Variants in KCNT1 observed in about 807,000 individuals in gnomAD.
KCNT1 encodes the protein potassium sodium-activated channel subfamily T member 1, also known as potassium channel subfamily T member 1.
A neutral mutation model predicts 147.8 loss-of-function variants in KCNT1; 78 were observed. The ratio of observed to expected loss-of-function variants is 0.53; its 90% CI spans 0.44 to 0.64. KCNT1 has a LOEUF of 0.64. KCNT1 is among the 30% of genes least tolerant of loss of function. The probability of loss-of-function intolerance (pLI) is 0.00; values close to 1 mark genes in which losing one functional copy is unlikely to be tolerated. For synonymous variants in KCNT1, 867 were observed against 748.8 expected, an observed-to-expected ratio of 1.16 and a Z score of -2.58; for missense variants, 1,419 against 1,750.3, an observed-to-expected ratio of 0.81 and a Z score of 3.38.
In KCNT1 at chr9:135,771,065, C is replaced by T. The variant is rs764892946; in HGVS notation, c.1978C>T (p.Leu660=). 2 of 1,611,830 alleles carry T rather than the reference C, an allele frequency of 1.2e-6. No individual in the cohort carries two copies. Among genetic ancestry groups the T allele is most frequent in the Non-Finnish European group, 1.7e-6 (2 of 1,179,280 alleles). Residue 660 remains leucine (L), a synonymous_variant, in exon 18 of 31, where the codon CTG becomes TTG. Transcript: ENST00000371757. ...GQGLHEGPAR[L]PVHSIIASMG... is the part of the protein sequence containing the mutation. ...GGGGCTGCACGAGGGTCCGGCCCGC[C>T]TGCCCGTGCACAGCATCATCGCCTC...
At chr9:135,769,853 A>T in intron 15 of KCNT1, 94 bp from the exon 16 acceptor site, 1 of 874,254 alleles carries the variant, frequency 1.1e-6, no homozygotes. Flanking sequence ...GCAAGGGTGC[A>T]TCTGCATAGC....
In KCNT1 at chr9:135,779,372, C is replaced by T; in HGVS notation, c.2743C>T (p.Leu915Phe). The T allele has an allele frequency of 6.2e-7, 1 of 1,613,522 alleles. No homozygotes were observed. Among genetic ancestry groups the T allele is most frequent in the Non-Finnish European group, 8.5e-7 (1 of 1,179,702 alleles). ...VQTMFRLFPS[L>F]SITTELTHPS... ...TGCCTCCCCCAGGCTCTTCCCCAGCCTCAGCATCACCACGGAGCTCACCCA... is the reference window on the plus strand; with the variant it reads ...TGCCTCCCCCAGGCTCTTCCCCAGCTTCAGCATCACCACGGAGCTCACCCA... The change falls in exon 24 of 31, where the codon CTC becomes TTC. Residue 915 changes from leucine (L) to phenylalanine (F), a missense_variant. Leu to Phe is a conservative substitution (Grantham distance 22). This residue lies in a region of KCNT1 where 247 missense variants were observed against 397.1 expected (regional missense o/e 0.62). Coordinates refer to ENST00000371757, the MANE Select transcript of KCNT1 (RefSeq NM_020822.3).
At chr9:135,763,248 C>CTGGAAAGACTGAGCCTTTGAT (rs1391343662) in intron 11 of KCNT1, among the ~76,000 whole-genome samples, 2 of 152,238 alleles carry the variant, frequency 1.3e-5, no homozygotes, top group Non-Finnish European at 1.5e-5. Context: ...CTCCGAATGA[C>CTGGAAAGACTGAGCCTTTGAT]TGGAAAGACT....
rs74505140 is a variant in KCNT1 at position 135,750,372 on chromosome 9, C to T, written c.334+195C>T. 0.047 allele frequency among the ~76,000 whole-genome samples: 7,094 copies of T among 152,042 alleles called. 447 individuals are homozygous for T. Among genetic ancestry groups the T allele is most frequent in the East Asian group, 0.31 (1,582 of 5,092 alleles). On this transcript the variant is annotated intron_variant, in intron 3 of 30. Coordinates refer to ENST00000371757, the MANE Select transcript of KCNT1 (RefSeq NM_020822.3). ...TGGTGAGTGGGGCACAGGGTAGCCCCCTCTTAGCTTCACACTGTCTGAGAC... is the reference window on the plus strand; with the variant it reads ...TGGTGAGTGGGGCACAGGGTAGCCCTCTCTTAGCTTCACACTGTCTGAGAC...
intron 11 of KCNT1, 112 bp downstream of exon 11, chr9:135,759,971 G>A: frequency 9.4e-7 from 1 of 1,062,016 alleles, no homozygotes; most frequent in Non-Finnish European, 1.3e-6. Context: ...ACTCCCAGGA[G>A]GGGACAGTGA....
At chr9:135,783,823 T>C (rs1261230326) in intron 24 of KCNT1, among the ~76,000 whole-genome samples, 2 of 152,214 alleles carry the variant, frequency 1.3e-5, no homozygotes, top group African/African-American at 2.4e-5. Flanking sequence ...TCTGGGAAGA[T>C]AGAGCTGGTT....
intron 2 of KCNT1, among the ~76,000 whole-genome samples, chr9:135,749,135 A>T (rs1382922213): frequency 1.3e-5 from 2 of 152,082 alleles, no homozygotes; most frequent in Non-Finnish European, 2.9e-5. Context: ...GGGATCATTA[A>T]ACCCTGGCCT....
rs764050624 is a variant in KCNT1, at chr9:135,757,364, G to A, written c.742G>A (p.Ala248Thr). The A allele has an allele frequency of 6.8e-6, 11 of 1,609,530 alleles. No homozygotes were observed. Among genetic ancestry groups the A allele is most frequent in the South Asian group, 4.4e-5 (4 of 91,050 alleles). Residue 248 changes from alanine (A) to threonine (T), a missense_variant, in exon 9 of 31, where the codon GCG (alanine) becomes ACG (threonine). Physicochemically the swap from Ala to Thr is moderately conservative, Grantham distance 58 (BLOSUM62 0). Around this residue, in one of 5 missense-constraint regions of KCNT1, gnomAD observed 401 missense variants for 610.6 expected, o/e 0.66. Transcript: ENST00000371757. ...TCTGAACTGCTGGCTGGCCAAGCAC[G>A]CGCTGGAAAACATGATTGTAAGCCG... ...VFLNCWLAKH[A>T]LENMINDFHR...
intron 19 of KCNT1, among the ~76,000 whole-genome samples, chr9:135,774,744 G>A (rs924781251): frequency 5.9e-5 from 9 of 152,126 alleles, no homozygotes; most frequent in South Asian, 4.1e-4. Context: ...GTGTGTGTCC[G>A]GGTGTGTCCA....
intron 2 of KCNT1, among the ~76,000 whole-genome samples, chr9:135,723,870 C>T (rs915531538): frequency 6.6e-6 from 1 of 152,218 alleles, no homozygotes; most frequent in Non-Finnish European, 1.5e-5. Context: ...TTGAACACCC[C>T]CTCCTCCATC....
intron 3 of KCNT1, 122 bp from the exon 4 acceptor site, chr9:135,750,820 C>A: frequency 1.2e-6 from 1 of 824,994 alleles, no homozygotes; most frequent in Non-Finnish European, 2.0e-6. Flanking sequence ...TGCGTGCAGC[C>A]CGGGTGTGGG....
rs140804660 is a variant in KCNT1 at position 135,755,643 on chromosome 9, A to G, written c.540+474A>G. Among the ~76,000 whole-genome samples, 392 of 151,256 alleles carry G rather than the reference A, an allele frequency of 2.6e-3. 1 individual carries two copies. Among genetic ancestry groups the G allele is most frequent in the Non-Finnish European group, 4.6e-3 (310 of 67,718 alleles). The stretch of plus-strand genomic sequence containing the variant: ...ACTGAGGACAGACCCAGGCTCAGTA[A>G]GCAGGGAAACCAGGCTCAGTAAATG... On this transcript the variant is annotated intron_variant, in intron 6 of 30. Coordinates refer to ENST00000371757, the MANE Select transcript of KCNT1 (RefSeq NM_020822.3).
chr9:135,770,216 G>C (rs1471690865), intron 16 of KCNT1, 82 bp from the exon 17 acceptor site: 3 of 1,501,448 alleles, frequency 2.0e-6, no homozygotes, highest in South Asian at 2.5e-5. Context: ...GGAAGCAGAG[G>C]GGGGCACCTG....
intron 2 of KCNT1, among the ~76,000 whole-genome samples, chr9:135,739,552 C>G (rs963176171): frequency 5.3e-5 from 8 of 152,156 alleles, no homozygotes; most frequent in African/African-American, 1.7e-4. Context: ...CCCCTCACCC[C>G]GGGCACACGC....
At chr9:135,787,727 C>T (rs149728917) in intron 29 of KCNT1, among the ~76,000 whole-genome samples, 100 of 152,346 alleles carry the variant, frequency 6.6e-4, no homozygotes, top group Non-Finnish European at 1.2e-3. Context: ...CCCCTGTCCC[C>T]GCCTTGAAGC....
rs1445788992 is a variant in KCNT1 at position 135,791,868 on chromosome 9, C to G, written c.3574C>G (p.Pro1192Ala). 5 of 1,613,784 alleles carry G rather than the reference C, an allele frequency of 3.1e-6. No homozygotes were observed. The highest frequency in any genetic ancestry group is 4.2e-6 in the Non-Finnish European group (5 of 1,179,930). ...CCCTCCGCCCGACACGAGGCTGGAG[C>G]CCAGTGACATTGTGTGAGTAGCACC... ...INPPPDTRLE[P>A]SDIVYLIRSD... The change falls in exon 30 of 31, where the codon CCC becomes GCC. Residue 1192 changes from proline (P) to alanine (A), a missense_variant. Transcript: ENST00000371757.
At chr9:135,739,178 A>T (rs1306331639) in intron 2 of KCNT1, among the ~76,000 whole-genome samples, 1 of 152,026 alleles carries the variant, frequency 6.6e-6, no homozygotes, top group Non-Finnish European at 1.5e-5. Context: ...GCCCATGCTG[A>T]GGAGCTCACC....
chr9:135,741,859 C>T (rs117714417), intron 2 of KCNT1, among the ~76,000 whole-genome samples: 2,490 of 152,308 alleles, frequency 0.016, 80 homozygotes, highest in East Asian at 0.11. Flanking sequence ...CTCTGAAGTC[C>T]TTTGAGGAGG....
At chr9:135,738,472 A>T (rs1413398169) in intron 2 of KCNT1, among the ~76,000 whole-genome samples, 1 of 152,052 alleles carries the variant, frequency 6.6e-6, no homozygotes, top group Admixed American at 6.5e-5. Context: ...GCGAGGCCAG[A>T]GCCGAGAGGC....
Sources: gnomAD v4.1 joint callset for allele counts (sites outside exome capture counted in the v4.1 genomes callset) on GRCh38, gnomAD v4.1.1 for gene constraint, gnomAD v4.1.1 regional missense constraint, MANE v1.5 for transcripts, NCBI Gene and HGNC (gene_info 2026-07-23, HGNC 2026-07-21) for gene names.